The following MAGOHB variants were observed in gnomAD, a reference collection of about 807,000 sequenced individuals.
MAGOHB encodes mago homolog B, exon junction complex subunit.
In MAGOHB, 15 loss-of-function variants were observed where a neutral mutation model predicts 20.9. That is an observed-to-expected ratio of 0.72 (90% CI 0.48 to 1.11). The LOEUF (loss-of-function observed/expected upper bound fraction) is 1.11, where lower values mean the gene tolerates loss of function less well. Among genes scored for constraint, MAGOHB ranks in the 50% least tolerant of loss-of-function variants. The pLI is 0.00. For synonymous variants in MAGOHB, 50 were observed against 57.9 expected (o/e 0.86, Z 0.62); for missense variants, 162 against 177.6 (o/e 0.91, Z 0.50).
chr12:10,607,859 C>T lies in MAGOHB; in HGVS notation c.342G>A (p.Gln114=), dbSNP rs1422103952. The stretch of plus-strand genomic sequence containing the variant: ...AAATGCTTTAACATACTTACTTTGA[C>T]TGATTTACATCAATAAGAGAACCTA... The part of the protein sequence containing the change: ...SKIGSLIDVN[Q]SKDPEGLRVF... The change falls in exon 4 of 5, where the codon CAG becomes CAA. Residue 114 remains glutamine (Q), a synonymous_variant. Coordinates refer to ENST00000320756, the MANE Select transcript of MAGOHB (RefSeq NM_018048.5). The T allele has an allele frequency of 6.4e-7, 1 of 1,571,318 alleles. No individual in the cohort carries two copies. Among genetic ancestry groups the T allele is most frequent in the Non-Finnish European group, 8.7e-7 (1 of 1,149,054 alleles).
intron 2 of MAGOHB, 28 bp from the exon 3 acceptor site, chr12:10,609,969 T>C (rs1335249672): frequency 6.0e-6 from 8 of 1,324,568 alleles, no homozygotes; most frequent in Non-Finnish European, 8.5e-6. Context: ...TAAAATGAGA[T>C]AATGCCCACC....
At chr12:10,603,276 T>C (rs1265286160), downstream of MAGOHB, among the ~76,000 whole-genome samples, 1 of 138,902 alleles carries the variant, frequency 7.2e-6, no homozygotes, top group African/African-American at 2.7e-5. Flanking sequence ...ATCGCGCCGC[T>C]GCACTCCAGC....
intron 3 of MAGOHB, 138 bp downstream of exon 3, chr12:10,609,693 T>C (rs369306070): frequency 1.6e-6 from 1 of 615,800 alleles, no homozygotes; most frequent in South Asian, 2.1e-5. Flanking sequence ...AGAGATAAAA[T>C]TAAAGAGAAT....
At chr12:10,612,981 A>G (rs1186417691) in intron 1 of MAGOHB, 3 of 1,276,494 alleles carry the variant, frequency 2.4e-6, no homozygotes, top group South Asian at 2.5e-5. Context: ...CATGCGTCCT[A>G]TGGTGAACAA....
intron 1 of MAGOHB, among the ~76,000 whole-genome samples, chr12:10,612,465 C>T (rs1249931183): frequency 6.6e-6 from 1 of 151,884 alleles, no homozygotes; most frequent in Non-Finnish European, 1.5e-5. Context: ...ATGCTTGATA[C>T]TCTTCTCCTT....
downstream of MAGOHB, among the ~76,000 whole-genome samples, chr12:10,600,427 T>C (rs1275463551): frequency 1.3e-5 from 2 of 151,902 alleles, no homozygotes; most frequent in Non-Finnish European, 2.9e-5. Context: ...TTTTTAAGCA[T>C]AAAATTGTAT....
In MAGOHB at chr12:10,613,430, T is replaced by C. The variant is rs763973594; in HGVS notation, c.94+9A>G. On this transcript the variant is annotated intron_variant, in intron 1 of 4. Coordinates refer to ENST00000320756, the MANE Select transcript of MAGOHB (RefSeq NM_018048.5). ...TTCCCAGCACCGCGTGCCGTGGGCC[T>C]CTTCTCACCGTCCGGCCGAAATTCG... 13 of 1,613,656 alleles carry C rather than the reference T, an allele frequency of 8.1e-6. 1 individual carries two copies. The highest frequency in any genetic ancestry group is 9.3e-6 in the Non-Finnish European group (11 of 1,179,658).
downstream of MAGOHB, among the ~76,000 whole-genome samples, chr12:10,602,557 T>G (rs59613394): frequency 0.041 from 6,314 of 152,294 alleles, 444 homozygotes; most frequent in African/African-American, 0.14. Flanking sequence ...TTGGAAGTAT[T>G]AAACTTTATC....
At position 10,604,243 on chromosome 12, in the gene MAGOHB, T is replaced by C. The variant is rs567902322; in HGVS notation, c.*2032A>G. The C allele has an allele frequency of 6.6e-6, 1 of 152,190 alleles. No individual in the cohort carries two copies. Among genetic ancestry groups the C allele is most frequent in the Non-Finnish European group, 1.5e-5 (1 of 68,032 alleles). The allele number at this position is 152,190 out of a possible 1,614,324, so 9.4% of individuals were successfully genotyped here. A position where few individuals can be genotyped will look rare whatever the true frequency, so the allele number is the denominator to read the frequency against. ...GGAAGGAGGTAAAAGGAACATAACC[T>C]GAGCGCAATAAAAATCTAGTTTCAT... On this transcript the variant is annotated 3_prime_UTR_variant, in exon 5 of 5. Coordinates refer to ENST00000320756, the MANE Select transcript of MAGOHB (RefSeq NM_018048.5).
At chr12:10,600,838 A>C (rs1156808937), downstream of MAGOHB, among the ~76,000 whole-genome samples, 1 of 152,166 alleles carries the variant, frequency 6.6e-6, no homozygotes, top group Admixed American at 6.5e-5. Flanking sequence ...AGTGGTTAAT[A>C]AGGAGTGTGG....
At position 10,607,861 on chromosome 12, in the gene MAGOHB, G is replaced by T; in HGVS notation, c.340C>A (p.Gln114Lys). Reference protein sequence around the residue: ...SKIGSLIDVNQSKDPEGLRVF... With the variant: ...SKIGSLIDVNKSKDPEGLRVF... ...ATGCTTTAACATACTTACTTTGACT[G>T]ATTTACATCAATAAGAGAACCTATT... Residue 114 changes from glutamine (Q) to lysine (K), a missense_variant, in exon 4 of 5, where the codon CAG (glutamine) becomes AAG (lysine). Coordinates refer to ENST00000320756, the MANE Select transcript of MAGOHB (RefSeq NM_018048.5). 6.3e-7 allele frequency: 1 copy of T among 1,575,010 alleles called. No homozygotes were observed. The highest frequency in any genetic ancestry group is 1.1e-5 in the South Asian group (1 of 87,396).
chr12:10,611,420 A>T (rs10845183), intron 1 of MAGOHB, among the ~76,000 whole-genome samples: 63,064 of 151,822 alleles, frequency 0.42, 14,734 homozygotes, highest in Non-Finnish European at 0.54. Context: ...ATAATGTGCA[A>T]CAGGTACTCT....
At chr12:10,601,782 T>C (rs573249381), downstream of MAGOHB, among the ~76,000 whole-genome samples, 12 of 152,330 alleles carry the variant, frequency 7.9e-5, no homozygotes, top group African/African-American at 2.9e-4. Flanking sequence ...ACTTTTCTCA[T>C]AGGTTCAATA....
chr12:10,613,593 A>G lies in MAGOHB; in HGVS notation c.-61T>C, dbSNP rs1373316103. The G allele has an allele frequency of 9.1e-7, 1 of 1,104,758 alleles. No homozygotes were observed. The highest frequency in any genetic ancestry group is 1.4e-6 in the Non-Finnish European group (1 of 715,040). 68.4% of individuals were successfully genotyped at this position (1,104,758 alleles called of 1,614,324 possible). ...ACGTGTCCCCCGGCGCCTTGCAGTG[A>G]CGTCATCGCGCGGAATAAGTGCGTC... On this transcript the variant is annotated 5_prime_UTR_variant, in exon 1 of 5. Coordinates refer to ENST00000320756, the MANE Select transcript of MAGOHB (RefSeq NM_018048.5).
chr12:10,606,307 T>C lies in MAGOHB; in HGVS notation c.415A>G (p.Ile139Val). ...GGTTTAATCTTGAAGTGTAATCCAATAAGACTGAAAACTAAACATTTCAAG... is the reference window on the plus strand; with the variant it reads ...GGTTTAATCTTGAAGTGTAATCCAACAAGACTGAAAACTAAACATTTCAAG... Reference protein sequence around the residue: ...QDLKCLVFSLIGLHFKIKPI With the variant: ...QDLKCLVFSLVGLHFKIKPI Residue 139 changes from isoleucine to valine, a missense_variant, in exon 5 of 5, where the codon ATT becomes GTT. Ile to Val is a conservative substitution (Grantham distance 29). Coordinates refer to ENST00000320756, the MANE Select transcript of MAGOHB (RefSeq NM_018048.5). 6.4e-7 allele frequency: 1 copy of C among 1,569,470 alleles called. No homozygotes were observed. The highest frequency in any genetic ancestry group is 8.7e-7 in the Non-Finnish European group (1 of 1,152,016).
At chr12:10,611,848 T>C (rs1865749331) in intron 1 of MAGOHB, among the ~76,000 whole-genome samples, 1 of 150,798 alleles carries the variant, frequency 6.6e-6, no homozygotes, top group Admixed American at 6.6e-5. Flanking sequence ...GGCAGATACA[T>C]TGATTAGAAC....
At position 10,605,917 on chromosome 12, in the gene MAGOHB, C is replaced by T. The variant is rs1865620991; in HGVS notation, c.*358G>A. ...TACATAGTTCCACCTAAAGTATCTT[C>T]TGTCACAGGATATATCTACCAGAAC... On this transcript the variant is annotated 3_prime_UTR_variant, in exon 5 of 5. Coordinates refer to ENST00000320756, the MANE Select transcript of MAGOHB (RefSeq NM_018048.5). 6.5e-6 allele frequency: 1 copy of T among 154,472 alleles called. No homozygotes were observed. The highest frequency in any genetic ancestry group is 2.4e-5 in the African/African-American group (1 of 41,536). 9.6% of individuals were successfully genotyped at this position (154,472 alleles called of 1,614,324 possible).
intron 4 of MAGOHB, among the ~76,000 whole-genome samples, chr12:10,606,695 T>A (rs1437251054): frequency 6.6e-6 from 1 of 152,056 alleles, no homozygotes; most frequent in African/African-American, 2.4e-5. Flanking sequence ...TATAAACATT[T>A]TGATGTTTCT....
chr12:10,613,418 G>A (rs370703761), intron 1 of MAGOHB, 21 bp downstream of exon 1: 28 of 1,610,596 alleles, frequency 1.7e-5, no homozygotes, highest in African/African-American at 1.7e-4. Context: ...CCAGCACCGC[G>A]TGCCGTGGGC....
Sources: gnomAD v4.1 joint callset for allele counts (sites outside exome capture counted in the v4.1 genomes callset) on GRCh38, gnomAD v4.1.1 for gene constraint, MANE v1.5 for transcripts, NCBI Gene and HGNC (gene_info 2026-07-23, HGNC 2026-07-21) for gene names.